SEPTIN9: variants seen among roughly 807,000 people sequenced by gnomAD.
The protein encoded by SEPTIN9 is septin 9.
Under a neutral mutation model 56.6 loss-of-function variants are expected in SEPTIN9, and 13 were observed. The ratio of observed to expected loss-of-function variants is 0.23; its 90% CI spans 0.15 to 0.37. The LOEUF is 0.37. Among genes scored for constraint, SEPTIN9 ranks in the 10% least tolerant of loss-of-function variants. The pLI, the probability that SEPTIN9 is intolerant of heterozygous loss-of-function variation, is 1.00. For synonymous variants in SEPTIN9, 332 were observed against 334.1 expected (o/e 0.99, Z 0.07); for missense variants, 650 against 823.1 (o/e 0.79, Z 2.57).
intron 2 of SEPTIN9, among the ~76,000 whole-genome samples, chr17:77,335,963 T>C (rs686322): frequency 0.1 from 5,827 of 56,652 alleles, 1,435 homozygotes; most frequent in Middle Eastern, 0.18. Flanking sequence ...TACATGTAGG[T>C]CCTATGTTGA....
chr17:77,414,201 C>G (rs1399562839), intron 3 of SEPTIN9, among the ~76,000 whole-genome samples: 1 of 152,048 alleles, frequency 6.6e-6, no homozygotes. Flanking sequence ...GCCTCAGCCT[C>G]CCGAGTAGCT....
intron 3 of SEPTIN9, among the ~76,000 whole-genome samples, chr17:77,468,847 A>T (rs1384431966): frequency 6.6e-6 from 1 of 150,780 alleles, no homozygotes; most frequent in Admixed American, 6.6e-5. Context: ...GTTAACATTG[A>T]TGAGAGTTTG....
At position 77,312,583 on chromosome 17, in the gene SEPTIN9, G is replaced by C. The variant is rs180745504; in HGVS notation, c.76+5386G>C. On this transcript the variant is annotated intron_variant, in intron 2 of 11. Coordinates refer to ENST00000427177, the MANE Select transcript of SEPTIN9 (RefSeq NM_001113491.2). ...CTGTGTCCTCCATAGCCTCGGACCA[G>C]AGCCACGGCGGGATGCTTTCCTGGT... is the stretch of plus-strand genomic sequence containing the variant. 7.6e-4 allele frequency among the ~76,000 whole-genome samples: 115 copies of C among 152,296 alleles called. 1 individual carries two copies. The highest frequency in any genetic ancestry group is 2.6e-3 in the African/African-American group (106 of 41,568).
intron 3 of SEPTIN9, chr17:77,466,657 G>A (rs1452521843): frequency 1.0e-5 from 9 of 885,302 alleles, no homozygotes; most frequent in South Asian, 1.0e-4. Context: ...ACACAGGGTC[G>A]GGGCAGTGTG....
intron 2 of SEPTIN9, among the ~76,000 whole-genome samples, chr17:77,397,467 TAAG>T (rs1473070004): frequency 6.6e-6 from 1 of 152,186 alleles, no homozygotes. Context: ...TTTTTCCAAA[TAAG>T]GTCACATTCG....
rs374350630 is a variant in SEPTIN9, at chr17:77,455,442, C to A, written c.722-26702C>A. Among the ~76,000 whole-genome samples the A allele has an allele frequency of 2.6e-5, 4 of 152,376 alleles. No homozygotes were observed. The South Asian group carries it at 6.2e-4, about 24-fold the overall frequency. On this transcript the variant is annotated intron_variant, in intron 3 of 11. Coordinates refer to ENST00000427177, the MANE Select transcript of SEPTIN9 (RefSeq NM_001113491.2). ...GTGCCAGGCTCCAAGCACCAGGTGA[C>A]TCGGTCACTGAATGGTCACTGAACA...
intron 1 of SEPTIN9, 67 bp downstream of exon 1, chr17:77,281,621 T>A: frequency 5.5e-6 from 8 of 1,443,566 alleles, no homozygotes; most frequent in Non-Finnish European, 7.5e-6. Flanking sequence ...CCTGAGTGCC[T>A]GCGGCCGGGA....
chr17:77,478,852 G>A (rs916299974), intron 3 of SEPTIN9, among the ~76,000 whole-genome samples: 6 of 151,426 alleles, frequency 4.0e-5, no homozygotes, highest in Non-Finnish European at 7.4e-5. Context: ...TGACTCAGCC[G>A]TAAAGAGGAA....
chr17:77,436,008 T>C lies in SEPTIN9; in HGVS notation c.721+33305T>C, dbSNP rs763754418. On this transcript the variant is annotated intron_variant, in intron 3 of 11. Transcript: ENST00000427177. This position sits in a 1 kb window ranked among gnomAD's most constrained non-coding sequence, Gnocchi z 4.4. ...GGACCAAGGGAGAACTGAGCGCGTG[T>C]TCTCTTGGCCTCAGCCTCGTGTGTG... Among the ~76,000 whole-genome samples, 5 of 152,204 alleles carry C rather than the reference T, an allele frequency of 3.3e-5. No homozygotes were observed. Among genetic ancestry groups the C allele is most frequent in the Non-Finnish European group, 7.3e-5 (5 of 68,032 alleles).
chr17:77,428,125 G>A (rs1403028590), intron 3 of SEPTIN9, among the ~76,000 whole-genome samples: 15 of 152,228 alleles, frequency 9.9e-5, no homozygotes, highest in Admixed American at 9.8e-4. Flanking sequence ...CTGGCCCATA[G>A]TCACACAGCA....
At chr17:77,301,722 T>TG (rs2032063267) in intron 1 of SEPTIN9, among the ~76,000 whole-genome samples, 1 of 152,216 alleles carries the variant, frequency 6.6e-6, no homozygotes, top group South Asian at 2.1e-4. Context: ...CAGGAATAGA[T>TG]TCTTTTCTGT....
In SEPTIN9 at chr17:77,317,556, C is replaced by T. The variant is rs979169609; in HGVS notation, c.76+10359C>T. The stretch of plus-strand genomic sequence containing the variant: ...GATGCCTGATGATCTGTCACCGTCT[C>T]CCATCACCACCAGATGGGACCGTCT... On this transcript the variant is annotated intron_variant, in intron 2 of 11. Coordinates refer to ENST00000427177, the MANE Select transcript of SEPTIN9 (RefSeq NM_001113491.2). This position sits in a 1 kb window ranked among gnomAD's most constrained non-coding sequence, Gnocchi z 4.2. Among the ~76,000 whole-genome samples the T allele has an allele frequency of 6.6e-6, 1 of 152,112 alleles. No homozygotes were observed. Among genetic ancestry groups the T allele is most frequent in the South Asian group, 2.1e-4 (1 of 4,830 alleles).
At chr17:77,419,659 C>G (rs997434522) in intron 3 of SEPTIN9, 2 of 151,650 alleles carry the variant, frequency 1.3e-5, no homozygotes, top group African/African-American at 4.9e-5. Context: ...TAACTGCAGG[C>G]CTGCCTTAGG....
intron 3 of SEPTIN9, among the ~76,000 whole-genome samples, chr17:77,441,734 T>G (rs1417820262): frequency 6.6e-6 from 1 of 152,186 alleles, no homozygotes; most frequent in Non-Finnish European, 1.5e-5. Flanking sequence ...CCCAGGGCAG[T>G]GAACACCTGG....
At chr17:77,410,266 T>C (rs2036245849) in intron 3 of SEPTIN9, among the ~76,000 whole-genome samples, 1 of 152,148 alleles carries the variant, frequency 6.6e-6, no homozygotes, top group South Asian at 2.1e-4. Flanking sequence ...GTGTACTCTG[T>C]GGAGCCCCAG....
intron 2 of SEPTIN9, among the ~76,000 whole-genome samples, chr17:77,360,153 G>A (rs1168449979): frequency 8.7e-6 from 1 of 114,442 alleles, no homozygotes; most frequent in Non-Finnish European, 1.8e-5. Context: ...GCAAAACTCT[G>A]TCTCAAAAAA....
chr17:77,312,055 A>G (rs2032515255), intron 2 of SEPTIN9, among the ~76,000 whole-genome samples: 1 of 151,674 alleles, frequency 6.6e-6, no homozygotes. Flanking sequence ...GATCTCATCA[A>G]CTCGCCCTCT....
rs548468273 is a variant in SEPTIN9, at chr17:77,426,594, G to T, written c.721+23891G>T. ...AACATGAGGGCTCATCCTCACGGAA[G>T]AATATTCACTTGTTCCCTCCTGGAA... On this transcript the variant is annotated intron_variant, in intron 3 of 11. Coordinates refer to ENST00000427177, the MANE Select transcript of SEPTIN9 (RefSeq NM_001113491.2). Among the ~76,000 whole-genome samples, 186 of 152,290 alleles carry T rather than the reference G, an allele frequency of 1.2e-3. 1 individual carries two copies. The highest frequency in any genetic ancestry group is 3.4e-3 in the Middle Eastern group (1 of 294).
intron 2 of SEPTIN9, among the ~76,000 whole-genome samples, chr17:77,364,558 G>T (rs899781895): frequency 3.9e-5 from 6 of 152,212 alleles, no homozygotes; most frequent in Non-Finnish European, 8.8e-5. Context: ...CTGTGGAGGT[G>T]TCAACATGTA....
Sources: allele counts gnomAD v4.1 joint callset (sites outside exome capture counted in the v4.1 genomes callset), GRCh38; gene constraint gnomAD v4.1.1; non-coding constraint Gnocchi (gnomAD v3.1); transcripts MANE v1.5; gene names NCBI Gene and HGNC (gene_info 2026-07-23, HGNC 2026-07-21).